Variants in RP1 observed in about 807,000 individuals in gnomAD.
RP1 encodes RP1 axonemal microtubule associated, also known as oxygen-regulated protein 1.
RP1 carries 16 observed loss-of-function variants against 14.8 expected under a neutral mutation model. The observed-to-expected ratio is 1.08, with a 90% CI of 0.73 to 1.65. The LOEUF (loss-of-function observed/expected upper bound fraction) is 1.65. RP1 is among the 40% of genes most tolerant of loss of function. RP1 has a pLI of 0.00. For synonymous variants in RP1, 876 were observed against 883.6 expected (o/e 0.99, Z 0.15); for missense variants, 2,631 against 2,535.0 (o/e 1.04, Z -0.81).
chr8:54,738,804 T>C, intron 18 of RP1: 1 of 522,006 alleles, frequency 1.9e-6, no homozygotes, highest in Non-Finnish European at 3.4e-6. Flanking sequence ...GGCATTTCAT[T>C]TCTAGACTCT....
chr8:54,732,083 A>G (rs1342043502), intron 17 of RP1, among the ~76,000 whole-genome samples: 1 of 152,140 alleles, frequency 6.6e-6, no homozygotes, highest in Non-Finnish European at 1.5e-5. Context: ...CTCTTCACAC[A>G]TAATATCTTG....
intron 1 of RP1, among the ~76,000 whole-genome samples, chr8:54,598,215 T>G (rs1025421622): frequency 6.6e-6 from 1 of 152,194 alleles, no homozygotes; most frequent in Non-Finnish European, 1.5e-5. Context: ...TTTCATTTCT[T>G]TCTTTCATAT....
intron 1 of RP1, among the ~76,000 whole-genome samples, chr8:54,582,320 C>A (rs561646733): frequency 4.2e-4 from 64 of 151,862 alleles, no homozygotes; most frequent in African/African-American, 1.3e-3. Flanking sequence ...TGTAGATATG[C>A]GGCATTATTT....
chr8:54,693,126 G>A (rs572155215), intron 12 of RP1, among the ~76,000 whole-genome samples: 1 of 152,112 alleles, frequency 6.6e-6, no homozygotes, highest in African/African-American at 2.4e-5. Context: ...TCAGATGGTT[G>A]TAGATATGAG....
chr8:54,679,544 T>C (rs1807376562), intron 10 of RP1: 7 of 1,535,770 alleles, frequency 4.6e-6, no homozygotes, highest in Non-Finnish European at 6.1e-6. Flanking sequence ...TTATGATGAC[T>C]GGAGAAAGCA....
In RP1 at chr8:54,735,043, T is replaced by G. The variant is rs147209825; in HGVS notation, c.2721+299T>G. Among the ~76,000 whole-genome samples, 894 of 152,322 alleles carry G rather than the reference T, an allele frequency of 5.9e-3. 2 individuals are homozygous for G. The highest frequency in any genetic ancestry group is 0.02 in the Middle Eastern group (6 of 294). On this transcript the variant is annotated intron_variant, in intron 18 of 22. Coordinates refer to the RP1 transcript ENST00000636932. ...AACTTCAACTCAATTTATAACCGGC[T>G]TATAAGCTGTATAGAGATTATTCTG...
chr8:54,749,263 G>A (rs185268624), intron 19 of RP1, among the ~76,000 whole-genome samples: 33 of 151,946 alleles, frequency 2.2e-4, no homozygotes, highest in Admixed American at 1.6e-3. Flanking sequence ...CATGGGAGGC[G>A]GAGTTTGCAG....
intron 24 of RP1, among the ~76,000 whole-genome samples, chr8:54,832,203 A>C (rs1260097136): frequency 6.6e-6 from 1 of 151,724 alleles, no homozygotes; most frequent in African/African-American, 2.4e-5. Context: ...AAGTTGAAAA[A>C]TTTCAATAAA....
intron 24 of RP1, among the ~76,000 whole-genome samples, chr8:54,799,989 A>G (rs1481132462): frequency 6.6e-6 from 1 of 152,136 alleles, no homozygotes; most frequent in Non-Finnish European, 1.5e-5. Flanking sequence ...ATCCTTCAGT[A>G]AGAAGAATTG....
chr8:54,805,141 C>T (rs1810817279), intron 24 of RP1, among the ~76,000 whole-genome samples: 1 of 152,204 alleles, frequency 6.6e-6, no homozygotes, highest in African/African-American at 2.4e-5. Flanking sequence ...ACATTTGATA[C>T]TGAGATTGCT....
At chr8:54,726,486 AG>A (rs753105331) in intron 17 of RP1, 7 of 1,518,728 alleles carry the variant, frequency 4.6e-6, no homozygotes, top group Non-Finnish European at 6.1e-6. Flanking sequence ...AGTAAGCCAC[AG>A]CTTTTGCTTT....
chr8:54,584,050 A>T (rs1804858914), intron 1 of RP1, among the ~76,000 whole-genome samples: 1 of 151,880 alleles, frequency 6.6e-6, no homozygotes, highest in Non-Finnish European at 1.5e-5. Flanking sequence ...TAGCTTTTGA[A>T]TGTGTTTGCT....
At chr8:54,724,243 A>G (rs551587587) in intron 16 of RP1, among the ~76,000 whole-genome samples, 1 of 152,240 alleles carries the variant, frequency 6.6e-6, no homozygotes, top group Non-Finnish European at 1.5e-5. Context: ...AAAATAGACT[A>G]TATGGGTTTA....
intron 6 of RP1, among the ~76,000 whole-genome samples, chr8:54,656,381 G>C (rs1806755462): frequency 6.6e-6 from 1 of 152,132 alleles, no homozygotes; most frequent in Non-Finnish European, 1.5e-5. Flanking sequence ...CTTTTTAGTT[G>C]TTTCACATGC....
At chr8:54,780,890 G>A in intron 23 of RP1, 1 of 982,806 alleles carries the variant, frequency 1.0e-6, no homozygotes. Context: ...GATTGCACGT[G>A]GTTGCATGAG....
chr8:54,807,637 T>C (rs1227912705), intron 24 of RP1, among the ~76,000 whole-genome samples: 1 of 41,888 alleles, frequency 2.4e-5, no homozygotes, highest in Non-Finnish European at 4.1e-5. Context: ...TGTCTGTCTA[T>C]CTATCTATCT....
chr8:54,732,232 C>A (rs533973150), intron 17 of RP1, among the ~76,000 whole-genome samples: 7 of 152,192 alleles, frequency 4.6e-5, no homozygotes, highest in Non-Finnish European at 7.4e-5. Context: ...ATTCCTACAT[C>A]CAGCACTAAG....
In RP1 at chr8:54,860,331, C is replaced by A. The variant is rs192553244; in HGVS notation, c.4069+3225C>A. ...GTACGGGAGGGACAATAGTGAGATTCTCAAGTTATTTTTTTCTTTCCATTT... is the reference window on the plus strand; with the variant it reads ...GTACGGGAGGGACAATAGTGAGATTATCAAGTTATTTTTTTCTTTCCATTT... On this transcript the variant is annotated intron_variant, in intron 27 of 28. Transcript: ENST00000637698. Among the ~76,000 whole-genome samples, 538 of 152,024 alleles carry A rather than the reference C, an allele frequency of 3.5e-3. 2 individuals are homozygous for A. The highest frequency in any genetic ancestry group is 6.5e-3 in the Non-Finnish European group (440 of 67,972).
chr8:54,747,745 G>A (rs142425244), intron 19 of RP1, among the ~76,000 whole-genome samples: 77 of 152,250 alleles, frequency 5.1e-4, no homozygotes, highest in African/African-American at 1.8e-3. Context: ...CTACAGAAAT[G>A]CAAAAATTAG....
Sources: gnomAD v4.1 joint callset for allele counts (sites outside exome capture counted in the v4.1 genomes callset) on GRCh38, gnomAD v4.1.1 for gene constraint, MANE v1.5 for transcripts, NCBI Gene and HGNC (gene_info 2026-07-23, HGNC 2026-07-21) for gene names.